Variants in RANBP10 observed in about 807,000 individuals in gnomAD.
RANBP10 encodes RAN binding protein 10.
RANBP10 carries 24 observed loss-of-function variants against 72.8 expected under a neutral mutation model. The observed-to-expected ratio is 0.33, with a 90% confidence interval of 0.24 to 0.46. RANBP10 has a LOEUF of 0.46. RANBP10 is among the 20% of genes least tolerant of loss of function. The pLI is 1.00. For missense variants in RANBP10, 679 were observed against 817.5 expected (o/e 0.83, Z 2.07); for synonymous variants, 310 against 322.3 (o/e 0.96, Z 0.41).
chr16:67,772,110 A>AC (rs761041859), intron 2 of RANBP10, 24 bp from the exon 3 acceptor site: 4 of 1,574,258 alleles, frequency 2.5e-6, no homozygotes, highest in Non-Finnish European at 3.4e-6. Flanking sequence ...AAAAAAAAAA[A>AC]CACAAAATTT....
At chr16:67,757,484 T>C (rs2054308034) in intron 3 of RANBP10, among the ~76,000 whole-genome samples, 1 of 152,140 alleles carries the variant, frequency 6.6e-6, no homozygotes, top group Non-Finnish European at 1.5e-5. Flanking sequence ...TGCGCTGGCT[T>C]GGCCAGAGTG....
At chr16:67,751,067 C>CT (rs942389588) in intron 3 of RANBP10, among the ~76,000 whole-genome samples, 13 of 152,250 alleles carry the variant, frequency 8.5e-5, no homozygotes, top group African/African-American at 2.4e-4. Flanking sequence ...CGCCCAGCCC[C>CT]TTTTTTCACT....
chr16:67,777,846 T>G (rs1171507189), intron 2 of RANBP10, among the ~76,000 whole-genome samples: 1 of 152,182 alleles, frequency 6.6e-6, no homozygotes, highest in African/African-American at 2.4e-5. Flanking sequence ...ACTTTCTGAT[T>G]TCAAAACTTA....
intron 2 of RANBP10, among the ~76,000 whole-genome samples, chr16:67,795,284 A>C (rs1188414379): frequency 6.6e-6 from 1 of 151,888 alleles, no homozygotes; most frequent in East Asian, 1.9e-4. Flanking sequence ...CCACACCTAT[A>C]ATCCCAGCAC....
At position 67,729,823 on chromosome 16, in the gene RANBP10, C is replaced by T. The variant is rs995519805; in HGVS notation, c.1004G>A (p.Arg335Gln). The change falls in exon 9 of 14, where the codon CGG (arginine) becomes CAG (glutamine). Residue 335 changes from arginine (R) to glutamine (Q), a missense_variant. Arg to Gln is a conservative substitution (Grantham distance 43). Coordinates refer to ENST00000317506, the MANE Select transcript of RANBP10 (RefSeq NM_020850.3). This position sits in a 1 kb window ranked among gnomAD's most constrained non-coding sequence, Gnocchi z 7.1. Reference sequence around the variant, plus strand: ...CCCATTCACCATCTCCACAAACTGCCGGCACCTGTGGAGGGAGCGGAGCAA... The same window carrying T: ...CCCATTCACCATCTCCACAAACTGCTGGCACCTGTGGAGGGAGCGGAGCAA... ...NPNLLFMLKCRQFVEMVNGTD... is the reference protein window; with the variant it reads ...NPNLLFMLKCQQFVEMVNGTD... 19 of 1,613,648 alleles carry T rather than the reference C, an allele frequency of 1.2e-5. No individual in the cohort carries two copies. Among genetic ancestry groups the T allele is most frequent in the East Asian group, 2.2e-5 (1 of 44,868 alleles).
rs1399238721 is a variant in RANBP10, at chr16:67,730,622, C to T, written c.890-576G>A. On this transcript the variant is annotated intron_variant, in intron 7 of 13. Coordinates refer to ENST00000317506, the MANE Select transcript of RANBP10 (RefSeq NM_020850.3). The surrounding 1 kb of genome is among the most constrained non-coding windows in gnomAD (Gnocchi z 4.3). ...CATCAGCATCTTGCTGCTGCCTTTT[C>T]GCTCTTGCCGTGGGGCCTGGTGCAT... 2.0e-5 allele frequency among the ~76,000 whole-genome samples: 3 copies of T among 152,186 alleles called. No homozygotes were observed. Among genetic ancestry groups the T allele is most frequent in the African/African-American group, 7.2e-5 (3 of 41,440 alleles).
At chr16:67,799,754 T>C (rs892747407) in intron 2 of RANBP10, among the ~76,000 whole-genome samples, 2 of 152,092 alleles carry the variant, frequency 1.3e-5, no homozygotes, top group African/African-American at 2.4e-5. Flanking sequence ...AGGCCACCCC[T>C]GGATATGACA....
At chr16:67,768,344 ACCC>A in intron 3 of RANBP10, among the ~76,000 whole-genome samples, 1 of 151,516 alleles carries the variant, frequency 6.6e-6, no homozygotes, top group South Asian at 2.1e-4. Flanking sequence ...ACATGGCGAA[ACCC>A]CATCTCTACT....
intron 3 of RANBP10, among the ~76,000 whole-genome samples, chr16:67,765,071 T>C (rs2054471051): frequency 6.6e-6 from 1 of 151,992 alleles, no homozygotes; most frequent in Non-Finnish European, 1.5e-5. Context: ...GCATAGTGGC[T>C]CATGCCTGTA....
intron 2 of RANBP10, among the ~76,000 whole-genome samples, chr16:67,794,268 TC>T (rs941092057): frequency 6.6e-6 from 1 of 151,900 alleles, no homozygotes; most frequent in Non-Finnish European, 1.5e-5. Flanking sequence ...CGAAACCCCA[TC>T]TCTACTAGAA....
intron 3 of RANBP10, among the ~76,000 whole-genome samples, chr16:67,755,662 C>T (rs1027729511): frequency 3.7e-5 from 5 of 135,118 alleles, no homozygotes; most frequent in East Asian, 4.3e-4. Context: ...CCAGCCCAGG[C>T]GACAGAATGA....
chr16:67,736,761 TG>T (rs1413010782), intron 5 of RANBP10, among the ~76,000 whole-genome samples: 1 of 152,258 alleles, frequency 6.6e-6, no homozygotes, highest in African/African-American at 2.4e-5. Flanking sequence ...CACCTGATTC[TG>T]TTCTCTTTGC....
At chr16:67,737,489 A>G (rs1232882872) in intron 5 of RANBP10, among the ~76,000 whole-genome samples, 1 of 151,764 alleles carries the variant, frequency 6.6e-6, no homozygotes, top group Non-Finnish European at 1.5e-5. Flanking sequence ...GGTGTGAGCC[A>G]CCGCACCCGG....
chr16:67,806,542 A>C lies in RANBP10; in HGVS notation c.-6T>G. The C allele has an allele frequency of 6.7e-7, 1 of 1,496,230 alleles. No homozygotes were observed. The highest frequency in any genetic ancestry group is 8.8e-7 in the Non-Finnish European group (1 of 1,131,182). 92.7% of individuals were successfully genotyped at this position (1,496,230 alleles called of 1,614,324 possible). A position where few individuals can be genotyped will look rare whatever the true frequency, so the allele number is the denominator to read the frequency against. ...TCTGCCGTCGCTGCCGCCATCTTGG[A>C]GGGAGCTACTATTGTGTCACTGGGG... On this transcript the variant is annotated 5_prime_UTR_variant, in exon 1 of 14. Transcript: ENST00000317506.
chr16:67,736,004 G>C (rs1422450002), intron 5 of RANBP10, among the ~76,000 whole-genome samples: 1 of 152,028 alleles, frequency 6.6e-6, no homozygotes, highest in Non-Finnish European at 1.5e-5. Flanking sequence ...ACTGGCTTTT[G>C]TTCGGTCCCT....
Position 67,727,897 on chromosome 16 carries a change from C to T in RANBP10, c.1475-1G>A, listed in dbSNP as rs1244111691. 1 of 1,613,940 alleles carries T rather than the reference C, an allele frequency of 6.2e-7. No homozygotes were observed. The highest frequency in any genetic ancestry group is 1.1e-5 in the South Asian group (1 of 91,088). Reference sequence around the variant, plus strand: ...AGCTGCCGCCGAGGATGCCTGTCATCTGCATCCAGAACCCAGTGGAGAACG... The same window carrying T: ...AGCTGCCGCCGAGGATGCCTGTCATTTGCATCCAGAACCCAGTGGAGAACG... On this transcript the variant is annotated splice_acceptor_variant, in intron 11 of 13. Transcript: ENST00000317506. LOFTEE classifies it high-confidence loss of function.
chr16:67,782,695 C>T (rs186497567), intron 2 of RANBP10, among the ~76,000 whole-genome samples: 2 of 151,670 alleles, frequency 1.3e-5, no homozygotes, highest in Non-Finnish European at 2.9e-5. Context: ...TCATGTAATC[C>T]GCCCAGCTCG....
At chr16:67,789,877 T>A (rs1438159049) in intron 2 of RANBP10, among the ~76,000 whole-genome samples, 1 of 151,792 alleles carries the variant, frequency 6.6e-6, no homozygotes, top group East Asian at 1.9e-4. Flanking sequence ...GACAGGCGGA[T>A]CACGAGGTCA....
chr16:67,789,897 G>A (rs897532748), intron 2 of RANBP10, among the ~76,000 whole-genome samples: 3 of 151,850 alleles, frequency 2.0e-5, no homozygotes, highest in Admixed American at 6.6e-5. Flanking sequence ...AGGAGTTCAA[G>A]ATCAATCTGA....
Sources: allele counts gnomAD v4.1 joint callset (sites outside exome capture counted in the v4.1 genomes callset), GRCh38; gene constraint gnomAD v4.1.1; non-coding constraint Gnocchi (gnomAD v3.1); transcripts MANE v1.5; gene names NCBI Gene and HGNC (gene_info 2026-07-23, HGNC 2026-07-21).